The following LRP1B variants were observed in gnomAD, a reference collection of about 807,000 sequenced individuals.
LRP1B encodes low-density lipoprotein receptor-related protein 1B.
Under a neutral mutation model 556.6 loss-of-function variants are expected in LRP1B, and 217 were observed. The ratio of observed to expected loss-of-function variants is 0.39; its 90% CI spans 0.35 to 0.44. The LOEUF (loss-of-function observed/expected upper bound fraction) is 0.44, where lower values mean the gene tolerates loss of function less well. LRP1B is among the 20% of genes least tolerant of loss of function. The pLI is 1.00. For missense variants in LRP1B, 5,053 were observed against 5,620.8 expected (o/e 0.90, Z 3.23); for synonymous variants, 2,047 against 1,865.8 (o/e 1.10, Z -2.50).
At chr2:140,613,352 A>C (rs187971483) in intron 41 of LRP1B, among the ~76,000 whole-genome samples, 2 of 88,848 alleles carry the variant, frequency 2.3e-5, no homozygotes, top group African/African-American at 7.1e-5. Flanking sequence ...TATAAATATA[A>C]ATAATTATAT....
intron 27 of LRP1B, among the ~76,000 whole-genome samples, chr2:140,858,480 T>C (rs1692684932): frequency 2.1e-5 from 3 of 141,066 alleles, no homozygotes. Context: ...ATTTTATATA[T>C]AATATATATT....
intron 3 of LRP1B, among the ~76,000 whole-genome samples, chr2:141,314,847 CAT>C (rs1291065621): frequency 9.0e-6 from 1 of 110,892 alleles, no homozygotes; most frequent in Non-Finnish European, 1.9e-5. Flanking sequence ...TATATATACA[CAT>C]ATATATACAT....
chr2:140,258,328 T>C (rs1300877110), intron 86 of LRP1B, among the ~76,000 whole-genome samples: 1 of 151,554 alleles, frequency 6.6e-6, no homozygotes, highest in Non-Finnish European at 1.5e-5. Flanking sequence ...AAATCCACCC[T>C]AAAAATGTTT....
intron 2 of LRP1B, among the ~76,000 whole-genome samples, chr2:141,622,091 A>G (rs1325193554): frequency 6.6e-6 from 1 of 152,054 alleles, no homozygotes; most frequent in Non-Finnish European, 1.5e-5. Flanking sequence ...AGGTTTCTCC[A>G]TGTTGGTCAG....
chr2:141,614,058 C>T (rs1175914890), intron 2 of LRP1B, among the ~76,000 whole-genome samples: 5 of 57,680 alleles, frequency 8.7e-5, no homozygotes, highest in East Asian at 1.0e-3. Context: ...CCAGCCTGGG[C>T]GATAAGAGCA....
At chr2:140,563,081 T>C (rs1474013458) in intron 43 of LRP1B, among the ~76,000 whole-genome samples, 1 of 152,140 alleles carries the variant, frequency 6.6e-6, no homozygotes, top group Non-Finnish European at 1.5e-5. Flanking sequence ...TTTTCTTAAA[T>C]ATTAAACACT....
intron 2 of LRP1B, among the ~76,000 whole-genome samples, chr2:141,656,392 T>C (rs1690009759): frequency 6.6e-6 from 1 of 152,174 alleles, no homozygotes; most frequent in South Asian, 2.1e-4. Flanking sequence ...TGGTCTACTT[T>C]CTAAAAGTAT....
intron 23 of LRP1B, among the ~76,000 whole-genome samples, chr2:140,891,201 A>G (rs1693787848): frequency 6.6e-6 from 1 of 152,152 alleles, no homozygotes; most frequent in Non-Finnish European, 1.5e-5. Flanking sequence ...GTGCTTTACA[A>G]GAAGCTTTTA....
chr2:141,133,094 T>A (rs1273399999), intron 7 of LRP1B, among the ~76,000 whole-genome samples: 1 of 152,040 alleles, frequency 6.6e-6, no homozygotes, highest in Non-Finnish European at 1.5e-5. Context: ...ATCACCAACT[T>A]TGAACCCGAC....
chr2:140,292,759 A>T (rs542191951), intron 84 of LRP1B, among the ~76,000 whole-genome samples: 1 of 152,290 alleles, frequency 6.6e-6, no homozygotes, highest in South Asian at 2.1e-4. Flanking sequence ...CTTAATGCCG[A>T]ACATAGTGAC....
Position 141,921,563 on chromosome 2 carries a change from C to T in LRP1B, c.83-111162G>A, listed in dbSNP as rs560963178. Among the ~76,000 whole-genome samples the T allele has an allele frequency of 1.6e-4, 24 of 151,986 alleles. No homozygotes were observed. In the South Asian group the frequency reaches 5.0e-3, roughly 32 times the overall value. ...CCCCTGTATTAATGTACTTTGATTCCTCACTTCCATTTCACATATTCTAGC... is the reference window on the plus strand; with the variant it reads ...CCCCTGTATTAATGTACTTTGATTCTTCACTTCCATTTCACATATTCTAGC... On this transcript the variant is annotated intron_variant, in intron 1 of 90. Transcript: ENST00000389484.
chr2:142,062,970 A>C (rs1704977190), intron 1 of LRP1B, among the ~76,000 whole-genome samples: 1 of 151,140 alleles, frequency 6.6e-6, no homozygotes, highest in South Asian at 2.1e-4. Context: ...TGGAAGCATT[A>C]CCTGAAAAAA....
At chr2:141,090,176 T>C (rs1320672667) in intron 7 of LRP1B, among the ~76,000 whole-genome samples, 1 of 152,230 alleles carries the variant, frequency 6.6e-6, no homozygotes, top group African/African-American at 2.4e-5. Flanking sequence ...TTTCATCCTT[T>C]TTCAGAAAAT....
chr2:140,463,022 G>A (rs535927888), intron 60 of LRP1B, among the ~76,000 whole-genome samples: 4 of 152,272 alleles, frequency 2.6e-5, no homozygotes, highest in African/African-American at 9.6e-5. Context: ...CAAAAAAGAA[G>A]TGATGAGAAA....
intron 43 of LRP1B, among the ~76,000 whole-genome samples, chr2:140,549,786 T>G (rs1317618530): frequency 6.6e-6 from 1 of 152,080 alleles, no homozygotes. Flanking sequence ...CATGGGGAGA[T>G]GGTGGCGGCC....
intron 77 of LRP1B, among the ~76,000 whole-genome samples, chr2:140,345,172 C>T (rs887966961): frequency 1.3e-5 from 2 of 151,632 alleles, no homozygotes; most frequent in African/African-American, 4.8e-5. Flanking sequence ...AAGTACTCTC[C>T]CGATTGTAAC....
intron 16 of LRP1B, among the ~76,000 whole-genome samples, chr2:140,993,248 G>T (rs966565422): frequency 6.6e-6 from 1 of 152,112 alleles, no homozygotes; most frequent in Admixed American, 6.6e-5. Flanking sequence ...GGATAAATTT[G>T]TTCAACACAT....
intron 3 of LRP1B, among the ~76,000 whole-genome samples, chr2:141,272,544 A>G (rs192760351): frequency 1.3e-5 from 2 of 152,312 alleles, no homozygotes; most frequent in East Asian, 3.9e-4. Flanking sequence ...TAAAAACTTC[A>G]GATCAGACTA....
chr2:141,339,993 T>C (rs1398357279), intron 3 of LRP1B, among the ~76,000 whole-genome samples: 5 of 152,148 alleles, frequency 3.3e-5, no homozygotes, highest in South Asian at 2.1e-4. Context: ...TGTCTATGTG[T>C]ACCCACTGTT....
Sources: gnomAD v4.1 joint callset for allele counts (sites outside exome capture counted in the v4.1 genomes callset) on GRCh38, gnomAD v4.1.1 for gene constraint, MANE v1.5 for transcripts, NCBI Gene and HGNC (gene_info 2026-07-23, HGNC 2026-07-21) for gene names.